THSD7B: variants seen among roughly 807,000 people sequenced by gnomAD.
The protein encoded by THSD7B is thrombospondin type 1 domain containing 7B.
In THSD7B, 138 loss-of-function variants were observed where a neutral mutation model predicts 213.6. The ratio of observed to expected loss-of-function variants is 0.65; its 90% confidence interval spans 0.56 to 0.74. The LOEUF is 0.74. THSD7B is among the 30% of genes least tolerant of loss of function. THSD7B has a pLI of 0.00. For missense variants in THSD7B, 1,931 were observed against 1,991.5 expected, an observed-to-expected ratio of 0.97 and a Z score of 0.58; for synonymous variants, 742 against 687.0, an observed-to-expected ratio of 1.08 and a Z score of -1.25.
intron 10 of THSD7B, among the ~76,000 whole-genome samples, chr2:137,246,930 C>G (rs996674240): frequency 2.0e-5 from 3 of 152,158 alleles, no homozygotes; most frequent in Non-Finnish European, 4.4e-5. Flanking sequence ...CTCATCCCAG[C>G]CCGCCCAGTC....
intron 1 of THSD7B, among the ~76,000 whole-genome samples, chr2:136,791,522 C>G (rs757732215): frequency 7.2e-5 from 11 of 151,774 alleles, no homozygotes; most frequent in Non-Finnish European, 1.5e-4. Flanking sequence ...CAATCACTCT[C>G]CCTTTCCTCT....
chr2:137,037,290 A>C (rs1223378542), intron 2 of THSD7B, among the ~76,000 whole-genome samples: 1 of 152,120 alleles, frequency 6.6e-6, no homozygotes, highest in Non-Finnish European at 1.5e-5. Flanking sequence ...TCCAACTCTG[A>C]ATATTTTTTG....
At position 136,990,911 on chromosome 2, in the gene THSD7B, A is replaced by G. The variant is rs1470960808; in HGVS notation, c.140-65509A>G. The G allele has an allele frequency of 2.2e-6, 3 of 1,349,842 alleles. No homozygotes were observed. Among genetic ancestry groups the G allele is most frequent in the Non-Finnish European group, 3.0e-6 (3 of 1,013,012 alleles). 83.6% of individuals were successfully genotyped at this position (1,349,842 alleles called of 1,614,324 possible). On this transcript the variant is annotated intron_variant, in intron 2 of 27. Transcript: ENST00000409968. The stretch of plus-strand genomic sequence containing the variant: ...GAAACGATGCATAACACAGCAGATG[A>G]GGTGGTTTTGTATCACAAATTAGCA...
At chr2:137,338,294 C>T (rs1171715111) in intron 12 of THSD7B, among the ~76,000 whole-genome samples, 1 of 152,004 alleles carries the variant, frequency 6.6e-6, no homozygotes, top group Non-Finnish European at 1.5e-5. Flanking sequence ...ATCAGGAACT[C>T]TAAGGGACCT....
At chr2:136,827,528 C>A (rs188673726) in intron 1 of THSD7B, among the ~76,000 whole-genome samples, 17 of 152,212 alleles carry the variant, frequency 1.1e-4, no homozygotes, top group Non-Finnish European at 2.4e-4. Flanking sequence ...GCCTCTGCTG[C>A]CACAGTGTTG....
chr2:137,076,474 C>A (rs1226239297), intron 3 of THSD7B, among the ~76,000 whole-genome samples: 1 of 152,202 alleles, frequency 6.6e-6, no homozygotes, highest in East Asian at 1.9e-4. Flanking sequence ...ACCAATTTTC[C>A]AGGTGCCATC....
In THSD7B at chr2:137,219,530, C is replaced by G. The variant is rs56046046; in HGVS notation, c.1724-11514C>G. On this transcript the variant is annotated intron_variant, in intron 7 of 27. Coordinates refer to ENST00000409968, the MANE Select transcript of THSD7B (RefSeq NM_001316349.2). ...GCAAGCTCATCTTGCTTTTTGCATA[C>G]TTTATTCAAAGTCAAGCTTCCTAGA... Among the ~76,000 whole-genome samples the G allele has an allele frequency of 4.2e-3, 638 of 152,238 alleles. 7 individuals are homozygous for G. The highest frequency in any genetic ancestry group is 0.015 in the African/African-American group (625 of 41,550).
chr2:137,341,824 A>G (rs1684768706), intron 12 of THSD7B, among the ~76,000 whole-genome samples: 1 of 151,632 alleles, frequency 6.6e-6, no homozygotes, highest in African/African-American at 2.4e-5. Context: ...CCGTTGGTTA[A>G]TGTGTCTTTC....
chr2:137,120,959 T>C (rs546515879), intron 5 of THSD7B, among the ~76,000 whole-genome samples: 17 of 152,286 alleles, frequency 1.1e-4, no homozygotes, highest in African/African-American at 4.1e-4. Flanking sequence ...AAAAATATAA[T>C]GCTGGGAAGA....
At chr2:137,062,479 G>A (rs1687296335) in intron 3 of THSD7B, among the ~76,000 whole-genome samples, 1 of 151,396 alleles carries the variant, frequency 6.6e-6, no homozygotes, top group Non-Finnish European at 1.5e-5. Context: ...ATTTCCTCAA[G>A]CCCTTTCTCT....
chr2:137,197,542 T>G (rs998538151), intron 7 of THSD7B, among the ~76,000 whole-genome samples: 2 of 152,118 alleles, frequency 1.3e-5, no homozygotes, highest in Admixed American at 1.3e-4. Context: ...TACCATACTT[T>G]AAAAAGAGAA....
intron 2 of THSD7B, among the ~76,000 whole-genome samples, chr2:137,031,377 T>A (rs1573777325): frequency 6.6e-6 from 1 of 152,052 alleles, no homozygotes; most frequent in East Asian, 1.9e-4. Context: ...AATAAATAAA[T>A]GAAGTAGCAG....
intron 2 of THSD7B, among the ~76,000 whole-genome samples, chr2:137,042,246 T>C (rs1432231): frequency 0.58 from 88,392 of 152,106 alleles, 29,665 homozygotes; most frequent in Non-Finnish European, 0.73. Context: ...GGAAATTGGA[T>C]TTTAACCTGA....
At chr2:136,866,301 C>T (rs754484323) in intron 1 of THSD7B, among the ~76,000 whole-genome samples, 23 of 152,072 alleles carry the variant, frequency 1.5e-4, no homozygotes, top group Admixed American at 3.3e-4. Flanking sequence ...GCTTTATTCC[C>T]GCAGACATCT....
At chr2:137,393,034 C>G (rs61414301) in intron 12 of THSD7B, among the ~76,000 whole-genome samples, 5,437 of 151,964 alleles carry the variant, frequency 0.036, 323 homozygotes, top group African/African-American at 0.12. Flanking sequence ...ACCGGTCTGA[C>G]AGTAACGAGT....
intron 1 of THSD7B, among the ~76,000 whole-genome samples, chr2:136,814,588 C>T (rs1010124298): frequency 6.6e-6 from 1 of 152,008 alleles, no homozygotes; most frequent in Non-Finnish European, 1.5e-5. Flanking sequence ...TTAGTAGAGA[C>T]GGGGTTTCAC....
At chr2:137,213,444 TTATAA>T (rs1289548133) in intron 7 of THSD7B, among the ~76,000 whole-genome samples, 4 of 148,086 alleles carry the variant, frequency 2.7e-5, no homozygotes, top group South Asian at 2.1e-4. Flanking sequence ...AGATTATATA[TTATAA>T]TATATTGTCA....
chr2:136,786,198 T>G (rs34285902), intron 1 of THSD7B, among the ~76,000 whole-genome samples: 21,328 of 152,142 alleles, frequency 0.14, 2,230 homozygotes, highest in Non-Finnish European at 0.22. Context: ...CATGTAGAGA[T>G]AACTATTTTA....
intron 14 of THSD7B, among the ~76,000 whole-genome samples, chr2:137,449,367 G>A (rs768030903): frequency 3.9e-5 from 6 of 152,172 alleles, no homozygotes; most frequent in Admixed American, 6.5e-5. Flanking sequence ...TTCCATTGTT[G>A]CATAAAAAAA....
Sources: allele counts gnomAD v4.1 joint callset (sites outside exome capture counted in the v4.1 genomes callset), GRCh38; gene constraint gnomAD v4.1.1; transcripts MANE v1.5; gene names NCBI Gene and HGNC (gene_info 2026-07-23, HGNC 2026-07-21).